Variants in XPNPEP1 observed in about 807,000 individuals in gnomAD.
XPNPEP1 encodes the protein xaa-Pro aminopeptidase 1.
Under a neutral mutation model 92.4 loss-of-function variants are expected in XPNPEP1, and 39 were observed. The ratio of observed to expected loss-of-function variants is 0.42; its 90% CI spans 0.33 to 0.55. The LOEUF (loss-of-function observed/expected upper bound fraction) is 0.55. XPNPEP1 is among the 20% of genes least tolerant of loss of function. The pLI is 0.08. For synonymous variants in XPNPEP1, 307 were observed against 299.4 expected, an observed-to-expected ratio of 1.03 and a Z score of -0.26; for missense variants, 654 against 856.1, an observed-to-expected ratio of 0.76 and a Z score of 2.95.
At chr10:109,894,078 T>G (rs1267763321) in intron 3 of XPNPEP1, 1 of 152,290 alleles carries the variant, frequency 6.6e-6, no homozygotes. Flanking sequence ...CTGCTCCTTC[T>G]GCAGTTACCA....
Position 109,884,061 on chromosome 10 carries a change from A to G in XPNPEP1, c.830+6T>C. The G allele has an allele frequency of 6.2e-7, 1 of 1,612,770 alleles. No individual in the cohort carries two copies. Among genetic ancestry groups the G allele is most frequent in the Non-Finnish European group, 8.5e-7 (1 of 1,179,368 alleles). ...AGGGAGTTCCAGATGCAGGGCAAAC[A>G]CTCACATGATCGTCTCTAGTCCTAT... On this transcript the variant is annotated splice_donor_region_variant and intron_variant, in intron 9 of 20. Coordinates refer to ENST00000502935, the MANE Select transcript of XPNPEP1 (RefSeq NM_020383.4).
chr10:109,907,127 C>T (rs1849597681), intron 3 of XPNPEP1, among the ~76,000 whole-genome samples: 1 of 152,190 alleles, frequency 6.6e-6, no homozygotes, highest in African/African-American at 2.4e-5. Flanking sequence ...ATAGATGATT[C>T]TGTGGAAGAA....
chr10:109,878,104 T>C, intron 12 of XPNPEP1, 46 bp from the exon 13 acceptor site: 1 of 1,608,912 alleles, frequency 6.2e-7, no homozygotes, highest in Non-Finnish European at 8.5e-7. Flanking sequence ...TAAATTCATG[T>C]GTGCCTCTTA....
chr10:109,884,203 C>T, intron 8 of XPNPEP1, 55 bp from the exon 9 acceptor site: 2 of 1,558,800 alleles, frequency 1.3e-6, no homozygotes, highest in Non-Finnish European at 1.8e-6. Context: ...GTTAAGGGGT[C>T]GCTTGTAGCG....
chr10:109,897,524 T>C (rs1326763427), intron 3 of XPNPEP1, among the ~76,000 whole-genome samples: 1 of 152,092 alleles, frequency 6.6e-6, no homozygotes, highest in East Asian at 1.9e-4. Context: ...CTCATTCTAA[T>C]CCTCACAGCA....
rs1459771273 is a variant in XPNPEP1 at position 109,907,764 on chromosome 10, T to C, written c.173A>G (p.Gln58Arg). Reference protein sequence around the residue: ...VTSELLRQLRQAMRNSEYVTE... With the variant: ...VTSELLRQLRRAMRNSEYVTE... ...CACATACTCAGAGTTCCTCATGGCTTGTCTCAGCTGCCGAAGCAGCTCTGA... is the reference window on the plus strand; with the variant it reads ...CACATACTCAGAGTTCCTCATGGCTCGTCTCAGCTGCCGAAGCAGCTCTGA... The change falls in exon 3 of 21, where the codon CAA (glutamine) becomes CGA (arginine). Residue 58 changes from glutamine (Q) to arginine (R), a missense_variant. Physicochemically the swap from Gln to Arg is conservative, Grantham distance 43 (BLOSUM62 1). Coordinates refer to ENST00000502935, the MANE Select transcript of XPNPEP1 (RefSeq NM_020383.4). 1 of 1,614,216 alleles carries C rather than the reference T, an allele frequency of 6.2e-7. No homozygotes were observed.
intron 3 of XPNPEP1, among the ~76,000 whole-genome samples, chr10:109,903,895 A>G (rs1023843094): frequency 3.4e-5 from 5 of 146,450 alleles, no homozygotes; most frequent in Non-Finnish European, 6.0e-5. Flanking sequence ...CCTAGGCTGG[A>G]GTGCAGTGGC....
intron 3 of XPNPEP1, among the ~76,000 whole-genome samples, chr10:109,897,053 A>G (rs536723808): frequency 6.6e-6 from 1 of 152,344 alleles, no homozygotes; most frequent in South Asian, 2.1e-4. Flanking sequence ...TCAAATTCAA[A>G]TACCTCAGGG....
intron 19 of XPNPEP1, 48 bp downstream of exon 19, chr10:109,869,905 G>C: frequency 6.3e-7 from 1 of 1,589,900 alleles, no homozygotes; most frequent in Non-Finnish European, 8.6e-7. Flanking sequence ...TATCCGAGGC[G>C]TGATTATTGC....
chr10:109,883,905 C>A, intron 9 of XPNPEP1, 162 bp downstream of exon 9: 1 of 649,992 alleles, frequency 1.5e-6, no homozygotes, highest in East Asian at 2.8e-5. Flanking sequence ...AAATAAACAC[C>A]TACTGCTAAG....
At chr10:109,900,623 T>G (rs911712459) in intron 3 of XPNPEP1, among the ~76,000 whole-genome samples, 1 of 152,064 alleles carries the variant, frequency 6.6e-6, no homozygotes, top group Non-Finnish European at 1.5e-5. Flanking sequence ...TCCTCTCCGC[T>G]CCTAACCCCA....
chr10:109,922,979 A>C (rs1300829163), intron 1 of XPNPEP1, among the ~76,000 whole-genome samples: 1 of 152,054 alleles, frequency 6.6e-6, no homozygotes, highest in Non-Finnish European at 1.5e-5. Flanking sequence ...AGTATTGTCG[A>C]GATTGTAACT....
intron 14 of XPNPEP1, 51 bp from the exon 15 acceptor site, chr10:109,875,650 G>T: frequency 1.3e-6 from 2 of 1,530,070 alleles, no homozygotes; most frequent in South Asian, 1.1e-5. Flanking sequence ...AACACTTAGT[G>T]AATCTGGGAG....
Position 109,921,286 on chromosome 10 carries a change from G to A in XPNPEP1, c.32+2116C>T, listed in dbSNP as rs1040100676. Among the ~76,000 whole-genome samples the A allele has an allele frequency of 6.6e-5, 10 of 152,170 alleles. No individual in the cohort carries two copies. In the South Asian group the frequency reaches 1.9e-3, roughly 28 times the overall value. On this transcript the variant is annotated intron_variant, in intron 1 of 20. Transcript: ENST00000502935. The stretch of plus-strand genomic sequence containing the variant: ...GGCCTCACAGCTAACTGCTGACAGA[G>A]CTAGAACCAGCGTTCCAGCCTCCCA...
In XPNPEP1 at chr10:109,919,869, T is replaced by C. The variant is rs565415338; in HGVS notation, c.32+3533A>G. Among the ~76,000 whole-genome samples, 8 of 152,114 alleles carry C rather than the reference T, an allele frequency of 5.3e-5. No homozygotes were observed. In the South Asian group the frequency reaches 1.7e-3, roughly 32 times the overall value. On this transcript the variant is annotated intron_variant, in intron 1 of 20. Coordinates refer to ENST00000502935, the MANE Select transcript of XPNPEP1 (RefSeq NM_020383.4). ...CAACATGGTGAAACCCCATCTCTAC[T>C]GAAAATACAAAAATTAGCTGGGTGT...
In XPNPEP1 at chr10:109,870,012, C is replaced by T. The variant is rs1847362963; in HGVS notation, c.1714G>A (p.Asp572Asn). 6.2e-7 allele frequency: 1 copy of T among 1,614,022 alleles called. No homozygotes were observed. The highest frequency in any genetic ancestry group is 1.3e-5 in the African/African-American group (1 of 74,920). Residue 572 changes from aspartate to asparagine, a missense_variant, in exon 19 of 21, where the codon GAT becomes AAT. Physicochemically the swap from Asp to Asn is conservative, Grantham distance 23 (BLOSUM62 1). Transcript: ENST00000502935. ...IVTDEPGYYE[D>N]GAFGIRIENV... Reference sequence around the variant, plus strand: ...TCAATGCGAATTCCAAAAGCCCCATCTTCATAGTACCCGGGCTCTAAAACA... The same window carrying T: ...TCAATGCGAATTCCAAAAGCCCCATTTTCATAGTACCCGGGCTCTAAAACA...
intron 12 of XPNPEP1, chr10:109,878,402 G>A (rs1316857385): frequency 1.4e-5 from 3 of 215,394 alleles, no homozygotes; most frequent in Non-Finnish European, 1.9e-5. Flanking sequence ...AAAGATAAAT[G>A]CGGAGAGATT....
rs749888263 is a variant in XPNPEP1 at position 109,880,199 on chromosome 10, G to A, written c.1171C>T (p.Leu391=). ...GACTAAGAACCAACCTCTTTCTCCA[G>A]CCAGTTAAAGAGTTCACAGAGAGCA... ...AVALCELFNW[L]EKEVPKGGVT... The change falls in exon 12 of 21, where the codon CTG becomes TTG. Residue 391 remains leucine, a synonymous_variant. Transcript: ENST00000502935. 1 of 1,613,920 alleles carries A rather than the reference G, an allele frequency of 6.2e-7. No homozygotes were observed. Among genetic ancestry groups the A allele is most frequent in the Admixed American group, 1.7e-5 (1 of 60,028 alleles).
chr10:109,896,393 C>T lies in XPNPEP1; in HGVS notation c.247-3318G>A, dbSNP rs1470657923. Among the ~76,000 whole-genome samples the T allele has an allele frequency of 7.3e-5, 11 of 150,470 alleles. No homozygotes were observed. The Admixed American group carries it at 7.3e-4, about 10-fold the overall frequency. ...TGTCAGGTTCAAGCAATCCTCCCAC[C>T]TCAATCTTCTCAATAGCTGGGACTA... On this transcript the variant is annotated intron_variant, in intron 3 of 20. Transcript: ENST00000502935.
Sources: gnomAD v4.1 joint callset for allele counts (sites outside exome capture counted in the v4.1 genomes callset) on GRCh38, gnomAD v4.1.1 for gene constraint, MANE v1.5 for transcripts, NCBI Gene and HGNC (gene_info 2026-07-23, HGNC 2026-07-21) for gene names.